Variants in SETD1B observed in about 807,000 individuals in gnomAD.
SETD1B encodes SET domain containing 1B, histone lysine methyltransferase.
SETD1B carries 7 observed loss-of-function variants against 148.0 expected under a neutral mutation model. The observed-to-expected ratio is 0.05, with a 90% CI of 0.03 to 0.09. The LOEUF (loss-of-function observed/expected upper bound fraction) is 0.09. SETD1B is among the 10% of genes least tolerant of loss of function. The probability of loss-of-function intolerance (pLI) is 1.00; values close to 1 mark genes in which losing one functional copy is unlikely to be tolerated. For synonymous variants in SETD1B, 1,361 were observed against 1,186.5 expected, an observed-to-expected ratio of 1.15 and a Z score of -3.02; for missense variants, 2,155 against 2,729.9, an observed-to-expected ratio of 0.79 and a Z score of 4.69.
chr12:121,822,823 C>T lies in SETD1B; in HGVS notation c.4244C>T (p.Pro1415Leu), dbSNP rs1005434495. 4.7e-6 allele frequency: 7 copies of T among 1,496,742 alleles called. No homozygotes were observed. The highest frequency in any genetic ancestry group is 6.3e-6 in the Non-Finnish European group (7 of 1,117,124). 92.7% of individuals were successfully genotyped at this position (1,496,742 alleles called of 1,614,324 possible). A position where few individuals can be genotyped will look rare whatever the true frequency, so the allele number is the denominator to read the frequency against. The change falls in exon 12 of 17, where the codon CCT becomes CTT. Residue 1415 changes from proline to leucine, a missense_variant. Transcript: ENST00000604567. Reference protein sequence around the residue: ...GSPFSYPAPSPSLSSGGLPRT... With the variant: ...GSPFSYPAPSLSLSSGGLPRT... ...CCCTTCTCCTACCCAGCCCCGTCCC[C>T]TAGCTTGAGCAGTGGGGGCCTCCCT... is the stretch of plus-strand genomic sequence containing the variant.
intron 12 of SETD1B, 26 bp from the exon 13 acceptor site, chr12:121,825,174 C>G: frequency 6.5e-7 from 1 of 1,549,538 alleles, no homozygotes; most frequent in Non-Finnish European, 8.7e-7. Flanking sequence ...CTCAGAATGT[C>G]CATGTGGCCC....
At chr12:121,824,366 G>A (rs1182674577) in intron 12 of SETD1B, among the ~76,000 whole-genome samples, 1 of 152,228 alleles carries the variant, frequency 6.6e-6, no homozygotes, top group Non-Finnish European at 1.5e-5. Context: ...CTGCTCAAGT[G>A]CCGGGCACCA....
chr12:121,830,176 C>T lies in SETD1B; in HGVS notation c.5838C>T (p.Pro1946=), dbSNP rs776490030. The T allele has an allele frequency of 6.4e-7, 1 of 1,551,388 alleles. No individual in the cohort carries two copies. The highest frequency in any genetic ancestry group is 1.4e-5 in the African/African-American group (1 of 73,030). Residue 1946 remains proline (P), a synonymous_variant, in exon 17 of 17, where the codon CCC becomes CCT. Transcript: ENST00000604567. This position sits in a 1 kb window ranked among gnomAD's most constrained non-coding sequence, Gnocchi z 5.7. ...AGATTACCTATGACTATAAGTTCCCCATCGAGGACGTCAAGATCCCCTGCC... is the reference window on the plus strand; with the variant it reads ...AGATTACCTATGACTATAAGTTCCCTATCGAGGACGTCAAGATCCCCTGCC... ...NEEITYDYKF[P]IEDVKIPCLC...
chr12:121,815,346 C>T (rs76840623), intron 7 of SETD1B, among the ~76,000 whole-genome samples: 1,809 of 152,198 alleles, frequency 0.012, 38 homozygotes, highest in African/African-American at 0.041. Context: ...ATTTCAAGTG[C>T]TCGGGAGCCA....
At chr12:121,793,708 C>A in the SETD1B span, 1 of 1,330,400 alleles carries the variant, frequency 7.5e-7, no homozygotes, top group South Asian at 1.6e-5. Flanking sequence ...GGGGCGGGGC[C>A]GGAACCAGCC....
intron 16 of SETD1B, among the ~76,000 whole-genome samples, chr12:121,829,593 A>C (rs750630657): frequency 6.6e-6 from 1 of 152,204 alleles, no homozygotes; most frequent in Non-Finnish European, 1.5e-5. Flanking sequence ...AGGGCCAGAT[A>C]ATAAATGTTT....
chr12:121,803,707 C>G (rs568207760), upstream of SETD1B: 60 of 152,232 alleles, frequency 3.9e-4, no homozygotes, highest in African/African-American at 1.4e-3. The surrounding 1 kb of genome is among the most constrained non-coding windows in gnomAD (Gnocchi z 4.7). Context: ...GGTCGCGGCT[C>G]TGAGGGTAGT....
At chr12:121,794,967 C>A in the SETD1B span, among the ~76,000 whole-genome samples, 1 of 152,186 alleles carries the variant, frequency 6.6e-6, no homozygotes, top group Admixed American at 6.5e-5. Context: ...TGCTGGCGAC[C>A]CCACCCCGAA....
At chr12:121,824,552 C>T (rs1876747076) in intron 12 of SETD1B, among the ~76,000 whole-genome samples, 1 of 152,016 alleles carries the variant, frequency 6.6e-6, no homozygotes, top group Non-Finnish European at 1.5e-5. Flanking sequence ...GAGGCTGAGG[C>T]AGGAGAATTG....
chr12:121,805,564 G>C lies in SETD1B; in HGVS notation c.274-271G>C, dbSNP rs1325031202. 1.5e-4 allele frequency among the ~76,000 whole-genome samples: 23 copies of C among 152,106 alleles called. No homozygotes were observed. The highest frequency in any genetic ancestry group is 1.5e-3 in the Admixed American group (23 of 15,280). ...GCAGGAAGAGAAGGCCAGAAAGGGG[G>C]GTGGGGAAAGAGAAACTGTTTCTTT... On this transcript the variant is annotated intron_variant, in intron 3 of 16. Coordinates refer to ENST00000604567, the MANE Select transcript of SETD1B (RefSeq NM_001353345.2). This position sits in a 1 kb window ranked among gnomAD's most constrained non-coding sequence, Gnocchi z 4.2.
chr12:121,798,662 AT>A, the SETD1B span, among the ~76,000 whole-genome samples: 1 of 152,208 alleles, frequency 6.6e-6, no homozygotes. Flanking sequence ...CTCCTTGTTA[AT>A]CCGAACAGGC....
chr12:121,822,974 G>A lies in SETD1B; in HGVS notation c.4395G>A (p.Pro1465=), dbSNP rs1226042441. ...RDERSGPLAS[P]VLLETGLPLP... ...AACGCTCCGGGCCCCTGGCCTCCCC[G>A]GTGCTCCTGGAGACGGGCCTGCCCC... The change falls in exon 12 of 17, where the codon CCG becomes CCA. Residue 1465 remains proline, a synonymous_variant. Coordinates refer to ENST00000604567, the MANE Select transcript of SETD1B (RefSeq NM_001353345.2). 5.9e-6 allele frequency: 9 copies of A among 1,536,336 alleles called. No homozygotes were observed. The highest frequency in any genetic ancestry group is 1.4e-5 in the African/African-American group (1 of 72,636).
intron 6 of SETD1B, among the ~76,000 whole-genome samples, chr12:121,813,686 G>A (rs1269397515): frequency 6.6e-6 from 1 of 152,146 alleles, no homozygotes; most frequent in Non-Finnish European, 1.5e-5. Flanking sequence ...CTCTGAAATT[G>A]CAACAGTTTC....
intron 13 of SETD1B, among the ~76,000 whole-genome samples, chr12:121,826,903 A>G (rs1337528683): frequency 6.6e-6 from 1 of 151,654 alleles, no homozygotes; most frequent in Non-Finnish European, 1.5e-5. Flanking sequence ...GGGGAGGCTG[A>G]TATGCTATCA....
the SETD1B span, chr12:121,795,711 A>AC: frequency 2.6e-5 from 4 of 152,950 alleles, no homozygotes; most frequent in Non-Finnish European, 5.8e-5. Context: ...GGACGACAGG[A>AC]GGGAGCCAAG....
rs1876163708 is a variant in SETD1B at position 121,814,094 on chromosome 12, C to G, written c.1891-12C>G. The G allele has an allele frequency of 1.9e-6, 3 of 1,545,186 alleles. No individual in the cohort carries two copies. The highest frequency in any genetic ancestry group is 2.4e-5 in the South Asian group (2 of 83,686). On this transcript the variant is annotated splice_polypyrimidine_tract_variant and intron_variant, in intron 6 of 16. Coordinates refer to ENST00000604567, the MANE Select transcript of SETD1B (RefSeq NM_001353345.2). ...AGACTCACCTCACTGTCTCTCCCTG[C>G]TCTCTCTGCAGGGCCAGCAGTCCTC... is the stretch of plus-strand genomic sequence containing the variant.
chr12:121,793,387 G>A, the SETD1B span: 1 of 1,469,944 alleles, frequency 6.8e-7, no homozygotes, highest in African/African-American at 1.4e-5. Flanking sequence ...GCGCCCCGGG[G>A]TGGCGGCCGC....
intron 7 of SETD1B, among the ~76,000 whole-genome samples, chr12:121,815,437 C>T (rs1455704041): frequency 2.0e-5 from 3 of 151,646 alleles, no homozygotes; most frequent in Non-Finnish European, 2.9e-5. Context: ...AGCTGCGACT[C>T]CCTTTGAACT....
At chr12:121,797,953 C>T in the SETD1B span, 1 of 273,054 alleles carries the variant, frequency 3.7e-6, no homozygotes, top group Non-Finnish European at 7.2e-6. Context: ...GGAGCTGGAC[C>T]CAGCACGGCT....
Sources: allele counts gnomAD v4.1 joint callset (sites outside exome capture counted in the v4.1 genomes callset), GRCh38; gene constraint gnomAD v4.1.1; non-coding constraint Gnocchi (gnomAD v3.1); transcripts MANE v1.5; gene names NCBI Gene and HGNC (gene_info 2026-07-23, HGNC 2026-07-21).